Variants in MEOX1 observed in about 807,000 individuals in gnomAD.
MEOX1 encodes the protein homeobox protein MOX-1.
MEOX1 carries 17 observed loss-of-function variants against 23.2 expected under a neutral mutation model. The ratio of observed to expected loss-of-function variants is 0.73; its 90% CI spans 0.50 to 1.10. The LOEUF (loss-of-function observed/expected upper bound fraction) is 1.10. Ranked by LOEUF, MEOX1 falls within the 50% of genes least tolerant of loss-of-function variation. The pLI, the probability that MEOX1 is intolerant of heterozygous loss-of-function variation, is 0.00. For synonymous variants in MEOX1, 134 were observed against 135.1 expected (o/e 0.99, Z 0.06); for missense variants, 333 against 332.2 (o/e 1.00, Z -0.02).
intron 2 of MEOX1, 139 bp from the exon 3 acceptor site, chr17:43,642,171 G>A: frequency 1.1e-6 from 1 of 874,750 alleles, no homozygotes; most frequent in Non-Finnish European, 1.7e-6. Flanking sequence ...CTCCCTCAAA[G>A]GCCCCAGGAA....
At chr17:43,643,693 G>A in intron 1 of MEOX1, 33 bp from the exon 2 acceptor site, 2 of 1,585,020 alleles carry the variant, frequency 1.3e-6, no homozygotes, top group Non-Finnish European at 8.6e-7. Flanking sequence ...AGGAAGACAT[G>A]GGCTGAGGGA....
chr17:43,655,476 A>T (rs539867442), intron 1 of MEOX1, among the ~76,000 whole-genome samples: 1 of 151,856 alleles, frequency 6.6e-6, no homozygotes, highest in Non-Finnish European at 1.5e-5. Context: ...TCTCAAAAAA[A>T]AAAAAAAGAA....
chr17:43,659,245 C>T (rs1567749332), intron 1 of MEOX1, among the ~76,000 whole-genome samples: 1 of 152,168 alleles, frequency 6.6e-6, no homozygotes, highest in African/African-American at 2.4e-5. Context: ...CGTGCCGCCA[C>T]CAAGGGGAAA....
At chr17:43,658,376 G>A (rs532083736) in intron 1 of MEOX1, among the ~76,000 whole-genome samples, 4 of 152,192 alleles carry the variant, frequency 2.6e-5, no homozygotes, top group South Asian at 4.2e-4. Context: ...GAGAGGGGGC[G>A]TGCGCCTATA....
At chr17:43,656,336 A>T (rs56208624) in intron 1 of MEOX1, among the ~76,000 whole-genome samples, 1 of 152,196 alleles carries the variant, frequency 6.6e-6, no homozygotes, top group African/African-American at 2.4e-5. Flanking sequence ...GAGAGGGGGA[A>T]GAAAATGCAG....
intron 1 of MEOX1, among the ~76,000 whole-genome samples, chr17:43,659,756 C>G (rs926634564): frequency 2.0e-4 from 30 of 152,314 alleles, no homozygotes; most frequent in African/African-American, 7.2e-4. Context: ...TCCCCATCTC[C>G]CAAACCCGTG....
At chr17:43,645,809 C>T (rs1000916149) in intron 1 of MEOX1, among the ~76,000 whole-genome samples, 1 of 152,246 alleles carries the variant, frequency 6.6e-6, no homozygotes, top group African/African-American at 2.4e-5. Context: ...CCAGCACCCC[C>T]CTCTATTGCT....
intron 1 of MEOX1, among the ~76,000 whole-genome samples, chr17:43,659,272 C>G (rs1363196422): frequency 6.6e-6 from 1 of 152,192 alleles, no homozygotes; most frequent in African/African-American, 2.4e-5. Flanking sequence ...CAACCAGGTT[C>G]AGAGCCAAGT....
At chr17:43,659,893 C>A (rs1289255666) in intron 1 of MEOX1, among the ~76,000 whole-genome samples, 2 of 152,168 alleles carry the variant, frequency 1.3e-5, no homozygotes, top group Non-Finnish European at 2.9e-5. Flanking sequence ...GGGTGAGACC[C>A]CTTTATTCAT....
intron 1 of MEOX1, among the ~76,000 whole-genome samples, chr17:43,656,982 TTTTCTTTCTTTCTTTTTC>T (rs1973031582): frequency 2.1e-5 from 3 of 144,978 alleles, no homozygotes; most frequent in African/African-American, 8.3e-5. Flanking sequence ...CGTTTGTTCA[TTTTCTTTCTTTCTTTTTC>T]TTTCTTTCTT....
chr17:43,655,379 G>A (rs943666670), intron 1 of MEOX1, among the ~76,000 whole-genome samples: 2 of 151,580 alleles, frequency 1.3e-5, no homozygotes, highest in East Asian at 2.0e-4. Flanking sequence ...GCTGAGGCAG[G>A]AGAATCACTT....
At chr17:43,643,726 C>A in intron 1 of MEOX1, 66 bp from the exon 2 acceptor site, 1 of 1,337,210 alleles carries the variant, frequency 7.5e-7, no homozygotes. Context: ...TTTCTTTTGC[C>A]CTTGAGCAAC....
At position 43,654,195 on chromosome 17, in the gene MEOX1, C is replaced by T. The variant is rs182229707; in HGVS notation, c.469+6871G>A. 8.7e-4 allele frequency among the ~76,000 whole-genome samples: 132 copies of T among 152,216 alleles called. No individual in the cohort carries two copies. In the Middle Eastern group the frequency reaches 0.017, roughly 20 times the overall value. Reference sequence around the variant, plus strand: ...TTAAAATGAGGCTGTTAGGGTGGGTCCCAATCCAATCTGCCTGATATGCTT... The same window carrying T: ...TTAAAATGAGGCTGTTAGGGTGGGTTCCAATCCAATCTGCCTGATATGCTT... On this transcript the variant is annotated intron_variant, in intron 1 of 2. Transcript: ENST00000318579.
intron 1 of MEOX1, among the ~76,000 whole-genome samples, chr17:43,650,463 A>G (rs1200854062): frequency 6.6e-6 from 1 of 152,178 alleles, no homozygotes; most frequent in East Asian, 1.9e-4. Flanking sequence ...ATTAAGATCC[A>G]GAGACTAAAT....
At chr17:43,651,547 AG>A (rs1555567185) in intron 1 of MEOX1, among the ~76,000 whole-genome samples, 2 of 133,486 alleles carry the variant, frequency 1.5e-5, no homozygotes, top group South Asian at 2.2e-4. Context: ...AAGAAAAACA[AG>A]GGGGAAAAAA....
intron 1 of MEOX1, among the ~76,000 whole-genome samples, chr17:43,655,713 C>T (rs576159034): frequency 2.2e-3 from 331 of 148,276 alleles, no homozygotes; most frequent in Non-Finnish European, 3.9e-3. Flanking sequence ...CTTGCTACAA[C>T]CTGGTTGAAA....
chr17:43,645,118 G>C (rs542479565), intron 1 of MEOX1, among the ~76,000 whole-genome samples: 11 of 151,970 alleles, frequency 7.2e-5, no homozygotes, highest in African/African-American at 2.7e-4. Context: ...CCAGGGAATG[G>C]CTGCAGGAGC....
intron 1 of MEOX1, among the ~76,000 whole-genome samples, chr17:43,654,258 C>A (rs546608096): frequency 1.1e-4 from 17 of 152,284 alleles, no homozygotes; most frequent in Admixed American, 1.0e-3. Flanking sequence ...CCTGTAATCC[C>A]AGCACTTTGG....
At chr17:43,657,170 C>CTTTTTTTTTT (rs57432395) in intron 1 of MEOX1, among the ~76,000 whole-genome samples, 1 of 81,724 alleles carries the variant, frequency 1.2e-5, no homozygotes, top group Non-Finnish European at 2.2e-5. Flanking sequence ...TTCTTTCTTT[C>CTTTTTTTTTT]TTTTTTTTTT....
Sources: gnomAD v4.1 joint callset for allele counts (sites outside exome capture counted in the v4.1 genomes callset) on GRCh38, gnomAD v4.1.1 for gene constraint, MANE v1.5 for transcripts, NCBI Gene and HGNC (gene_info 2026-07-23, HGNC 2026-07-21) for gene names.